Variants in TPD52L1 observed in about 807,000 individuals in gnomAD.
The protein encoded by TPD52L1 is TPD52 like 1.
In TPD52L1, 18 loss-of-function variants were observed where a neutral mutation model predicts 28.7. The ratio of observed to expected loss-of-function variants is 0.63; its 90% confidence interval spans 0.43 to 0.93. The LOEUF (loss-of-function observed/expected upper bound fraction) is 0.93. Ranked by LOEUF, TPD52L1 falls within the 40% of genes least tolerant of loss-of-function variation. The pLI, the probability that TPD52L1 is intolerant of heterozygous loss-of-function variation, is 0.00. For synonymous variants in TPD52L1, 75 were observed against 88.8 expected (o/e 0.84, Z 0.88); for missense variants, 203 against 254.8 (o/e 0.80, Z 1.39).
chr6:125,170,145 A>C (rs73771240), intron 1 of TPD52L1, among the ~76,000 whole-genome samples: 9,535 of 152,154 alleles, frequency 0.063, 584 homozygotes, highest in East Asian at 0.33. Flanking sequence ...CACAACACGT[A>C]TTCTGATCAA....
At chr6:125,183,686 T>G (rs1562237886) in intron 1 of TPD52L1, among the ~76,000 whole-genome samples, 1 of 152,104 alleles carries the variant, frequency 6.6e-6, no homozygotes. Context: ...TACATGAGAT[T>G]AGAACTGGAA....
intron 2 of TPD52L1, among the ~76,000 whole-genome samples, chr6:125,221,062 C>T (rs751765692): frequency 8.5e-5 from 13 of 152,310 alleles, no homozygotes; most frequent in Non-Finnish European, 1.6e-4. Context: ...CCACCTTACC[C>T]TCTCCCCACT....
rs528903310 is a variant in TPD52L1, at chr6:125,223,755, A to G, written c.135+3562A>G. On this transcript the variant is annotated intron_variant, in intron 2 of 6. Coordinates refer to ENST00000534000, the MANE Select transcript of TPD52L1 (RefSeq NM_003287.4). ...AAGGAATCTCTTTTAACATAACTTG[A>G]TCTTTAATTTATTGTTGTGGTCATG... Among the ~76,000 whole-genome samples, 27 of 147,420 alleles carry G rather than the reference A, an allele frequency of 1.8e-4. No individual in the cohort carries two copies. In the East Asian group the frequency reaches 5.1e-3, roughly 28 times the overall value.
intron 4 of TPD52L1, among the ~76,000 whole-genome samples, chr6:125,249,997 T>A (rs1005449925): frequency 6.6e-6 from 1 of 152,204 alleles, no homozygotes; most frequent in East Asian, 1.9e-4. Flanking sequence ...TAATTACCCC[T>A]AATTTTATTA....
At chr6:125,232,999 T>A (rs1027846134) in intron 3 of TPD52L1, among the ~76,000 whole-genome samples, 1 of 152,126 alleles carries the variant, frequency 6.6e-6, no homozygotes, top group Admixed American at 6.5e-5. Flanking sequence ...AGAAATTGAA[T>A]CTCTTCTGTA....
chr6:125,227,538 A>AAGG (rs1287864830), intron 2 of TPD52L1, among the ~76,000 whole-genome samples: 11 of 152,214 alleles, frequency 7.2e-5, no homozygotes, highest in African/African-American at 2.7e-4. Flanking sequence ...TTTTAAAAAA[A>AAGG]ATTTAGTAAG....
At chr6:125,245,021 C>T (rs886757146) in intron 3 of TPD52L1, among the ~76,000 whole-genome samples, 1 of 152,186 alleles carries the variant, frequency 6.6e-6, no homozygotes, top group Admixed American at 6.5e-5. Flanking sequence ...AGCAGGACTA[C>T]CAGGCTCCAG....
rs554633563 is a variant in TPD52L1 at position 125,219,352 on chromosome 6, C to T, written c.20-726C>T. Among the ~76,000 whole-genome samples the T allele has an allele frequency of 3.8e-4, 58 of 152,310 alleles. No individual in the cohort carries two copies. The South Asian group carries it at 6.0e-3, about 16-fold the overall frequency. On this transcript the variant is annotated intron_variant, in intron 1 of 6. Coordinates refer to ENST00000534000, the MANE Select transcript of TPD52L1 (RefSeq NM_003287.4). ...AAGGCACAATGATGGCATCAAGAAC[C>T]CCGGCTCTTCCCATATTTTCCTCTG...
chr6:125,198,258 G>A (rs1793574439), intron 1 of TPD52L1, among the ~76,000 whole-genome samples: 1 of 152,166 alleles, frequency 6.6e-6, no homozygotes, highest in Admixed American at 6.5e-5. Context: ...ACCCTTTCAG[G>A]CAATTTGAGT....
intron 4 of TPD52L1, chr6:125,253,291 C>T (rs1797389920): frequency 5.6e-6 from 1 of 179,258 alleles, no homozygotes; most frequent in African/African-American, 2.4e-5. Context: ...TGGCCAGTTT[C>T]TCTACCATGG....
At position 125,217,547 on chromosome 6, in the gene TPD52L1, G is replaced by A. The variant is rs116535488; in HGVS notation, c.20-2531G>A. On this transcript the variant is annotated intron_variant, in intron 1 of 6. Coordinates refer to ENST00000534000, the MANE Select transcript of TPD52L1 (RefSeq NM_003287.4). ...ACCTGATGGGAGGCAGAGCTCAGGT[G>A]GTAATGCAAGCAGTGGGGAGTGGCC... Among the ~76,000 whole-genome samples, 561 of 152,188 alleles carry A rather than the reference G, an allele frequency of 3.7e-3. 2 individuals are homozygous for A. The highest frequency in any genetic ancestry group is 0.013 in the African/African-American group (535 of 41,528).
intron 1 of TPD52L1, among the ~76,000 whole-genome samples, chr6:125,211,627 A>G (rs1478721321): frequency 6.6e-6 from 1 of 152,168 alleles, no homozygotes; most frequent in Non-Finnish European, 1.5e-5. Flanking sequence ...CCCCAGCCCC[A>G]GGAGAACCAC....
intron 6 of TPD52L1, among the ~76,000 whole-genome samples, chr6:125,257,567 C>T (rs937067196): frequency 2.6e-5 from 4 of 152,176 alleles, no homozygotes; most frequent in African/African-American, 9.7e-5. Flanking sequence ...AAACTGGGGA[C>T]TACGTATCCA....
chr6:125,154,465 C>T, intron 1 of TPD52L1: 3 of 986,100 alleles, frequency 3.0e-6, no homozygotes, highest in Non-Finnish European at 3.6e-6. Context: ...AGACGCTTCC[C>T]GCTCGGGGAC....
At chr6:125,178,850 T>C (rs1791994864) in intron 1 of TPD52L1, among the ~76,000 whole-genome samples, 1 of 152,304 alleles carries the variant, frequency 6.6e-6, no homozygotes, top group South Asian at 2.1e-4. Context: ...CTGAGTACAC[T>C]TGAGGTTGTA....
At chr6:125,159,082 C>T (rs1180638529) in intron 1 of TPD52L1, among the ~76,000 whole-genome samples, 1 of 152,172 alleles carries the variant, frequency 6.6e-6, no homozygotes, top group Non-Finnish European at 1.5e-5. Flanking sequence ...GCTGAGGTGG[C>T]TGTGGCAATT....
At chr6:125,211,957 C>G (rs1794550479) in intron 1 of TPD52L1, among the ~76,000 whole-genome samples, 1 of 152,092 alleles carries the variant, frequency 6.6e-6, no homozygotes, top group South Asian at 2.1e-4. Context: ...AATAAATAAA[C>G]TTGTTTTATA....
intron 2 of TPD52L1, among the ~76,000 whole-genome samples, chr6:125,228,077 A>G (rs1173667238): frequency 6.6e-6 from 1 of 152,248 alleles, no homozygotes; most frequent in Non-Finnish European, 1.5e-5. Flanking sequence ...AGATGAATAT[A>G]AAATAACTAT....
chr6:125,219,763 T>TA (rs1451105210), intron 1 of TPD52L1: 38 of 381,514 alleles, frequency 1.0e-4, no homozygotes, highest in African/African-American at 7.9e-4. Context: ...CCTCTGCCCT[T>TA]ACGCCTCATG....
Sources: gnomAD v4.1 joint callset for allele counts (sites outside exome capture counted in the v4.1 genomes callset) on GRCh38, gnomAD v4.1.1 for gene constraint, MANE v1.5 for transcripts, NCBI Gene and HGNC (gene_info 2026-07-23, HGNC 2026-07-21) for gene names.